The following GSAP variants were observed in gnomAD, a reference collection of about 807,000 sequenced individuals.
GSAP encodes gamma-secretase activating protein, also known as gamma-secretase-activating protein.
A neutral mutation model predicts 131.7 loss-of-function variants in GSAP; 118 were observed. That is an observed-to-expected ratio of 0.90 (90% CI 0.77 to 1.04). The LOEUF (loss-of-function observed/expected upper bound fraction) is 1.04, where lower values mean the gene tolerates loss of function less well. Among genes scored for constraint, GSAP ranks in the 50% least tolerant of loss-of-function variants. The pLI is 0.00. For synonymous variants in GSAP, 381 were observed against 363.4 expected (o/e 1.05, Z -0.55); for missense variants, 1,019 against 1,013.2 (o/e 1.01, Z -0.08).
Position 77,320,788 on chromosome 7 carries a change from CT to C in GSAP, c.2025del (p.Val676PhefsTer5), listed in dbSNP as rs780032733. On this transcript the variant is annotated frameshift_variant, in exon 26 of 31. Coordinates refer to ENST00000257626, the MANE Select transcript of GSAP (RefSeq NM_017439.4). LOFTEE classifies it high-confidence loss of function. ...AGAATCCTGGTCATGATGTGAAAAACTGCAAATTCAGCAGCACTGCCACGAC... is the reference window on the plus strand; with the variant it reads ...AGAATCCTGGTCATGATGTGAAAAACGCAAATTCAGCAGCACTGCCACGAC... ...FNSRGSAAEFAVFHIMTRILE... is the reference protein window; with the variant it reads ...FNSRGSAAEFXVFHIMTRILE... 6.2e-7 allele frequency: 1 copy of C among 1,612,274 alleles called. No individual in the cohort carries two copies. Among genetic ancestry groups the C allele is most frequent in the East Asian group, 2.2e-5 (1 of 44,864 alleles).
intron 1 of GSAP, among the ~76,000 whole-genome samples, chr7:77,413,948 C>T (rs1400878880): frequency 6.6e-6 from 1 of 150,974 alleles, no homozygotes; most frequent in African/African-American, 2.4e-5. Context: ...TCTTTTATTT[C>T]AGGAGAAACT....
chr7:77,333,852 A>G (rs1789538925), intron 19 of GSAP, among the ~76,000 whole-genome samples: 1 of 152,142 alleles, frequency 6.6e-6, no homozygotes, highest in Non-Finnish European at 1.5e-5. Context: ...TTGAATCTGC[A>G]CAATCCCAAG....
intron 19 of GSAP, among the ~76,000 whole-genome samples, chr7:77,335,790 C>A (rs974182604): frequency 1.2e-4 from 18 of 152,190 alleles, no homozygotes; most frequent in Non-Finnish European, 2.2e-4. Context: ...TCAAAGAGAA[C>A]CCTTTCCTCT....
chr7:77,376,967 C>T, intron 9 of GSAP, 60 bp from the exon 10 acceptor site: 2 of 931,812 alleles, frequency 2.1e-6, no homozygotes, highest in South Asian at 1.5e-5. Context: ...AGGAAGCAGT[C>T]AAGAAGCAAA....
rs1583854185 is a variant in GSAP at position 77,397,396 on chromosome 7, T to C, written c.263A>G (p.Lys88Arg). The change falls in exon 4 of 31, where the codon AAA becomes AGA. Residue 88 changes from lysine (K) to arginine (R), a missense_variant. Physicochemically the swap from Lys to Arg is conservative, Grantham distance 26. Transcript: ENST00000257626. ...AGAGCAACTGAAAACTTGCAAGTCT[T>C]TCTCAAAGGTATATAGAAGCTATTA... ...RQNELLYTFE[K>R]DLQVFSCSVN... 2.5e-6 allele frequency: 4 copies of C among 1,598,444 alleles called. No homozygotes were observed. The highest frequency in any genetic ancestry group is 3.3e-4 in the Middle Eastern group (2 of 6,010).
chr7:77,363,448 G>T (rs1301075821), intron 12 of GSAP, among the ~76,000 whole-genome samples: 1 of 152,222 alleles, frequency 6.6e-6, no homozygotes, highest in Non-Finnish European at 1.5e-5. Context: ...TTGACAGGTA[G>T]AAAGTAACTT....
chr7:77,393,892 T>C (rs1799964131), intron 5 of GSAP, among the ~76,000 whole-genome samples: 2 of 152,210 alleles, frequency 1.3e-5, no homozygotes, highest in Non-Finnish European at 2.9e-5. Context: ...CAGGCTGGTC[T>C]CAAACTCCTG....
At chr7:77,416,368 C>T, upstream of GSAP, 1 of 1,114,736 alleles carries the variant, frequency 9.0e-7, no homozygotes, top group Non-Finnish European at 1.2e-6. Context: ...GCACCGCGGG[C>T]ATTCCCGGCC....
intron 1 of GSAP, chr7:77,415,831 C>T (rs570298345): frequency 5.5e-4 from 110 of 200,642 alleles, no homozygotes; most frequent in Non-Finnish European, 4.1e-4. Context: ...TGGCAAAGCC[C>T]CTGCGCTGCC....
intron 5 of GSAP, among the ~76,000 whole-genome samples, chr7:77,395,262 A>AGGC (rs1333466780): frequency 6.6e-6 from 1 of 152,134 alleles, no homozygotes; most frequent in African/African-American, 2.4e-5. Context: ...AAGAACTGGG[A>AGGC]GGCACAGGAG....
At chr7:77,379,808 C>A (rs773060949) in intron 8 of GSAP, 40 of 947,836 alleles carry the variant, frequency 4.2e-5, no homozygotes, top group Admixed American at 1.2e-4. Context: ...CTACTTAGCC[C>A]CTGCGGGACA....
chr7:77,388,494 G>C (rs997317669), intron 5 of GSAP, among the ~76,000 whole-genome samples: 1 of 152,166 alleles, frequency 6.6e-6, no homozygotes, highest in African/African-American at 2.4e-5. Flanking sequence ...TCAGGAGGAA[G>C]TCCATGGACA....
chr7:77,416,152 G>T, intron 1 of GSAP, 61 bp downstream of exon 1: 2 of 974,870 alleles, frequency 2.1e-6, no homozygotes, highest in Non-Finnish European at 2.8e-6. Flanking sequence ...GTCGGAGTCC[G>T]GGGGGTATGA....
In GSAP at chr7:77,382,635, G is replaced by C. The variant is rs2151042853; in HGVS notation, c.465C>G (p.Tyr155Ter). ...VDSYIWVQFL[Y>*]PHIESHPLPE... ...GAAGAGGATGACTTTCAATATGTGGGTAGAGAAACTGTAAAAAAGAAATTA... is the reference window on the plus strand; with the variant it reads ...GAAGAGGATGACTTTCAATATGTGGCTAGAGAAACTGTAAAAAAGAAATTA... Residue 155 changes from tyrosine to a stop codon, truncating the protein, a stop_gained, in exon 7 of 31, where the codon TAC becomes TAG. Transcript: ENST00000257626. LOFTEE classifies it high-confidence loss of function. 1 of 1,530,926 alleles carries C rather than the reference G, an allele frequency of 6.5e-7. No homozygotes were observed. Among genetic ancestry groups the C allele is most frequent in the South Asian group, 1.1e-5 (1 of 89,282 alleles). The allele number at this position is 1,530,926 out of a possible 1,614,324, so 94.8% of individuals were successfully genotyped here.
chr7:77,311,974 T>G, intron 29 of GSAP, 34 bp from the exon 30 acceptor site: 1 of 1,299,358 alleles, frequency 7.7e-7, no homozygotes, highest in Non-Finnish European at 1.1e-6. Flanking sequence ...GTAAGCTGAT[T>G]CTCCACAATA....
intron 22 of GSAP, 119 bp downstream of exon 22, chr7:77,328,487 C>T: frequency 2.7e-6 from 4 of 1,457,440 alleles, no homozygotes; most frequent in Non-Finnish European, 3.6e-6. Context: ...TTAAAAGGTG[C>T]TGCCTGCACC....
intron 3 of GSAP, among the ~76,000 whole-genome samples, chr7:77,400,897 T>C (rs1429234399): frequency 6.8e-6 from 1 of 148,146 alleles, no homozygotes; most frequent in Non-Finnish European, 1.5e-5. Flanking sequence ...TAAAGAAAAA[T>C]ACAAATGGAA....
chr7:77,336,468 C>T (rs1004664951), intron 19 of GSAP, among the ~76,000 whole-genome samples: 2 of 151,362 alleles, frequency 1.3e-5, no homozygotes, highest in African/African-American at 4.8e-5. Context: ...AATGATATCA[C>T]TAGCCTCAAG....
intron 22 of GSAP, chr7:77,328,080 T>TCA (rs1788567514): frequency 2.7e-6 from 1 of 376,078 alleles, no homozygotes; most frequent in African/African-American, 2.2e-5. Context: ...AGCACATGGT[T>TCA]CACACAAGAG....
Sources: gnomAD v4.1 joint callset for allele counts (sites outside exome capture counted in the v4.1 genomes callset) on GRCh38, gnomAD v4.1.1 for gene constraint, MANE v1.5 for transcripts, NCBI Gene and HGNC (gene_info 2026-07-23, HGNC 2026-07-21) for gene names.